CR2: variants seen among roughly 807,000 people sequenced by gnomAD.
CR2 encodes complement C3d receptor 2, also known as complement receptor type 2.
Under a neutral mutation model 123.0 loss-of-function variants are expected in CR2, and 96 were observed. The ratio of observed to expected loss-of-function variants is 0.78; its 90% CI spans 0.66 to 0.93. The LOEUF (loss-of-function observed/expected upper bound fraction) is 0.93, where lower values mean the gene tolerates loss of function less well. Ranked by LOEUF, CR2 falls within the 40% of genes least tolerant of loss-of-function variation. The pLI, the probability that CR2 is intolerant of heterozygous loss-of-function variation, is 0.00. For synonymous variants in CR2, 484 were observed against 469.5 expected (o/e 1.03, Z -0.40); for missense variants, 1,258 against 1,361.0 (o/e 0.92, Z 1.19).
rs1268466284 is a variant in CR2 at position 207,454,514 on chromosome 1, C to G, written c.58+38C>G. ...GGGGAGCACGGAGGTGGGGACGCGTCCCGGGCAGGGAAAGTTTCTGTGCCG... is the reference window on the plus strand; with the variant it reads ...GGGGAGCACGGAGGTGGGGACGCGTGCCGGGCAGGGAAAGTTTCTGTGCCG... On this transcript the variant is annotated intron_variant, in intron 1 of 19. Transcript: ENST00000367057. This position sits in a 1 kb window ranked among gnomAD's most constrained non-coding sequence, Gnocchi z 4.3. The G allele has an allele frequency of 3.4e-6, 5 of 1,452,400 alleles. No individual in the cohort carries two copies. The highest frequency in any genetic ancestry group is 2.0e-5 in the Admixed American group (1 of 49,200). The allele number at this position is 1,452,400 out of a possible 1,614,324, so 90.0% of individuals were successfully genotyped here. A position where few individuals can be genotyped will look rare whatever the true frequency, so the allele number is the denominator to read the frequency against.
chr1:207,467,061 T>TCCACGAAGAAGCCA, intron 2 of CR2, 149 bp downstream of exon 2: 1 of 992,224 alleles, frequency 1.0e-6, no homozygotes, highest in Non-Finnish European at 1.4e-6. Context: ...AAGTTATGGC[T>TCCACGAAGAAGCCA]TCTTCGTGGA....
intron 18 of CR2, among the ~76,000 whole-genome samples, chr1:207,482,875 A>G (rs1480079269): frequency 2.6e-5 from 4 of 151,762 alleles, no homozygotes; most frequent in Non-Finnish European, 5.9e-5. Flanking sequence ...TACATAACCC[A>G]TTTGAAATGG....
At chr1:207,457,593 A>G (rs568138850) in intron 1 of CR2, among the ~76,000 whole-genome samples, 32 of 152,340 alleles carry the variant, frequency 2.1e-4, no homozygotes, top group African/African-American at 7.2e-4. Flanking sequence ...AGTCTCCTGA[A>G]GCTGTTTCTT....
intron 9 of CR2, among the ~76,000 whole-genome samples, 179 bp downstream of exon 9, chr1:207,471,678 C>G (rs1049892382): frequency 1.3e-5 from 2 of 152,120 alleles, no homozygotes; most frequent in Non-Finnish European, 2.9e-5. Context: ...TTTTCTTCAT[C>G]AATAACTTAA....
intron 15 of CR2, among the ~76,000 whole-genome samples, chr1:207,477,644 A>T (rs904387085): frequency 6.6e-6 from 1 of 152,188 alleles, no homozygotes; most frequent in Non-Finnish European, 1.5e-5. Flanking sequence ...CACTGTTTGG[A>T]TAGAAACTGA....
chr1:207,454,633 C>T lies in CR2; in HGVS notation c.58+157C>T. 1 of 612,144 alleles carries T rather than the reference C, an allele frequency of 1.6e-6. No homozygotes were observed. The highest frequency in any genetic ancestry group is 2.8e-6 in the Non-Finnish European group (1 of 359,408). 37.9% of individuals were successfully genotyped at this position (612,144 alleles called of 1,614,324 possible). A position where few individuals can be genotyped will look rare whatever the true frequency, so the allele number is the denominator to read the frequency against. On this transcript the variant is annotated intron_variant, in intron 1 of 19. Coordinates refer to ENST00000367057, the MANE Select transcript of CR2 (RefSeq NM_001006658.3). The surrounding 1 kb of genome is among the most constrained non-coding windows in gnomAD (Gnocchi z 4.3). ...GCTTTGAGGGACCACTGCAATAAAC[C>T]GCCTGGTCCTGATTGTCCCCACTGG... is the stretch of plus-strand genomic sequence containing the variant.
At chr1:207,455,234 T>G (rs1041000690) in intron 1 of CR2, among the ~76,000 whole-genome samples, 1 of 152,356 alleles carries the variant, frequency 6.6e-6, no homozygotes, top group African/African-American at 2.4e-5. Context: ...AGTTTCTAAT[T>G]ATCTCCACGG....
At chr1:207,478,146 A>G in intron 16 of CR2, 76 bp downstream of exon 16, 3 of 1,465,714 alleles carry the variant, frequency 2.0e-6, no homozygotes, top group Admixed American at 3.8e-5. Context: ...CTCAGCGTGG[A>G]GAGTCCTGGG....
chr1:207,462,239 A>T (rs2102297611), intron 1 of CR2, among the ~76,000 whole-genome samples: 1 of 152,272 alleles, frequency 6.6e-6, no homozygotes, highest in South Asian at 2.1e-4. Flanking sequence ...ACTCTTAAAT[A>T]TATATTGTAC....
chr1:207,454,417 G>A lies in CR2; in HGVS notation c.-2G>A, dbSNP rs757739840. The A allele has an allele frequency of 1.9e-6, 3 of 1,581,182 alleles. No individual in the cohort carries two copies. The highest frequency in any genetic ancestry group is 4.6e-5 in the East Asian group (2 of 43,918). The stretch of plus-strand genomic sequence containing the variant: ...TCCCGCCGCGGGGGCTTCGGCCGTG[G>A]CATGGGCGCCGCGGGCCTGCTCGGG... On this transcript the variant is annotated 5_prime_UTR_variant, in exon 1 of 20. Coordinates refer to ENST00000367057, the MANE Select transcript of CR2 (RefSeq NM_001006658.3). This position sits in a 1 kb window ranked among gnomAD's most constrained non-coding sequence, Gnocchi z 4.3.
chr1:207,460,140 G>T (rs1454170750), intron 1 of CR2, among the ~76,000 whole-genome samples: 1 of 152,148 alleles, frequency 6.6e-6, no homozygotes, highest in Non-Finnish European at 1.5e-5. Context: ...TAAGTCACTT[G>T]ACTAGAGTCA....
Position 207,464,191 on chromosome 1 carries a change from C to T in CR2, c.59-2335C>T, listed in dbSNP as rs938517874. 3.3e-5 allele frequency among the ~76,000 whole-genome samples: 5 copies of T among 152,136 alleles called. No individual in the cohort carries two copies. The South Asian group carries it at 8.3e-4, about 25-fold the overall frequency. On this transcript the variant is annotated intron_variant, in intron 1 of 19. Coordinates refer to ENST00000367057, the MANE Select transcript of CR2 (RefSeq NM_001006658.3). ...GACTGGTGACCAGCTCATAGCTTTT[C>T]GGTTTTTATCAGCCAGTTCCATATA...
At chr1:207,463,751 T>C (rs1658022290) in intron 1 of CR2, among the ~76,000 whole-genome samples, 1 of 152,222 alleles carries the variant, frequency 6.6e-6, no homozygotes, top group African/African-American at 2.4e-5. Flanking sequence ...ATATCTACTC[T>C]TTGGTGACTC....
intron 18 of CR2, among the ~76,000 whole-genome samples, chr1:207,481,544 C>A (rs1040706149): frequency 6.6e-6 from 1 of 152,066 alleles, no homozygotes; most frequent in Non-Finnish European, 1.5e-5. Flanking sequence ...TGCACCACGA[C>A]TACACCTCCC....
intron 5 of CR2, 124 bp from the exon 6 acceptor site, chr1:207,469,571 C>T: frequency 1.1e-6 from 1 of 899,288 alleles, no homozygotes; most frequent in South Asian, 1.4e-5. Context: ...CTTTAGCTGC[C>T]TTGACTGATT....
intron 18 of CR2, among the ~76,000 whole-genome samples, chr1:207,483,765 T>C (rs1007587391): frequency 1.3e-5 from 2 of 151,628 alleles, no homozygotes; most frequent in African/African-American, 2.4e-5. Context: ...AGATGAGGAG[T>C]TCGGTTCTGA....
rs140018830 is a variant in CR2, at chr1:207,472,639, C to A, written c.1571-133C>A. 3.4e-4 allele frequency: 290 copies of A among 844,678 alleles called. 2 individuals carry two copies. The East Asian group carries it at 7.4e-3, about 21-fold the overall frequency. The allele number at this position is 844,678 out of a possible 1,614,324, so 52.3% of individuals were successfully genotyped here. A position where few individuals can be genotyped will look rare whatever the true frequency, so the allele number is the denominator to read the frequency against. On this transcript the variant is annotated intron_variant, in intron 9 of 19. Transcript: ENST00000367057. Reference sequence around the variant, plus strand: ...TTTACATACTTAATGAGCTTTCACACAACTCACATCATGAAAATGTACCCA... The same window carrying A: ...TTTACATACTTAATGAGCTTTCACAAAACTCACATCATGAAAATGTACCCA...
chr1:207,466,639 A>G lies in CR2; in HGVS notation c.172A>G (p.Ile58Val). The G allele has an allele frequency of 6.2e-7, 1 of 1,614,098 alleles. No individual in the cohort carries two copies. Among genetic ancestry groups the G allele is most frequent in the Non-Finnish European group, 8.5e-7 (1 of 1,179,988 alleles). The change falls in exon 2 of 20, where the codon ATT becomes GTT. Residue 58 changes from isoleucine to valine, a missense_variant. By Grantham distance (29) the Ile-to-Val change is conservative. Coordinates refer to ENST00000367057, the MANE Select transcript of CR2 (RefSeq NM_001006658.3). Reference sequence around the variant, plus strand: ...CAGTTGTTCAGGTACCTTCCGCCTCATTGGAGAAAAAAGTCTATTATGCAT... The same window carrying G: ...CAGTTGTTCAGGTACCTTCCGCCTCGTTGGAGAAAAAAGTCTATTATGCAT... ...RYSCSGTFRL[I>V]GEKSLLCITK...
Position 207,480,046 on chromosome 1 carries a change from A to G in CR2, c.3181A>G (p.Arg1061Gly). The change falls in exon 18 of 20, where the codon AGA (arginine) becomes GGA (glycine). Residue 1061 changes from arginine to glycine, a missense_variant. Transcript: ENST00000367057. ...VITLYVISKH[R>G]ARNYYTDTSQ... The stretch of plus-strand genomic sequence containing the variant: ...TACCTTATACGTGATATCAAAACAC[A>G]GAGCACGGTAAGTTCAAAGGCGAAT... The G allele has an allele frequency of 1.2e-6, 2 of 1,611,686 alleles. No individual in the cohort carries two copies. Among genetic ancestry groups the G allele is most frequent in the Non-Finnish European group, 1.7e-6 (2 of 1,177,894 alleles).
Sources: gnomAD v4.1 joint callset for allele counts (sites outside exome capture counted in the v4.1 genomes callset) on GRCh38, gnomAD v4.1.1 for gene constraint, Gnocchi (gnomAD v3.1) non-coding constraint, MANE v1.5 for transcripts, NCBI Gene and HGNC (gene_info 2026-07-23, HGNC 2026-07-21) for gene names.